DPP10: variants seen among roughly 807,000 people sequenced by gnomAD.
DPP10 encodes dipeptidyl peptidase like 10, also known as inactive dipeptidyl peptidase 10.
In DPP10, 33 loss-of-function variants were observed where a neutral mutation model predicts 120.9. That is an observed-to-expected ratio of 0.27 (90% CI 0.21 to 0.37). The LOEUF is 0.37. Among genes scored for constraint, DPP10 ranks in the 10% least tolerant of loss-of-function variants. The probability of loss-of-function intolerance (pLI) is 1.00; values close to 1 mark genes in which losing one functional copy is unlikely to be tolerated. For missense variants in DPP10, 816 were observed against 942.8 expected, an observed-to-expected ratio of 0.87 and a Z score of 1.76; for synonymous variants, 337 against 326.1, an observed-to-expected ratio of 1.03 and a Z score of -0.36.
At chr2:115,423,937 A>G (rs899101423) in intron 3 of DPP10, among the ~76,000 whole-genome samples, 2 of 152,138 alleles carry the variant, frequency 1.3e-5, no homozygotes, top group African/African-American at 4.8e-5. Flanking sequence ...ATTCATGGTT[A>G]TGCCAAACTC....
intron 11 of DPP10, among the ~76,000 whole-genome samples, chr2:115,761,174 A>C (rs1575704344): frequency 6.6e-6 from 1 of 151,678 alleles, no homozygotes; most frequent in East Asian, 1.9e-4. Context: ...TGGGAGGCCA[A>C]GTGGGGAGAA....
chr2:114,834,654 GTATATATATAGGCCATA>G lies in DPP10; in HGVS notation c.60+391818_60+391834del, dbSNP rs1687506420. ...ATATAAGCCATATCTACACACCTATGTATATATATAGGCCATATCTACACACCTATGTATATATAAGA... is the reference window on the plus strand; with the variant it reads ...ATATAAGCCATATCTACACACCTATGTCTACACACCTATGTATATATAAGA... On this transcript the variant is annotated intron_variant, in intron 1 of 25. Coordinates refer to ENST00000410059, the MANE Select transcript of DPP10 (RefSeq NM_020868.6). Among the ~76,000 whole-genome samples, 2 of 114,288 alleles carry G rather than the reference GTATATATATAGGCCATA, an allele frequency of 1.7e-5. 1 individual carries two copies. Among genetic ancestry groups the G allele is most frequent in the African/African-American group, 7.9e-5 (2 of 25,298 alleles). The allele number at this position is 114,288 out of a possible 152,430, so 75.0% of individuals were successfully genotyped here. A position where few individuals can be genotyped will look rare whatever the true frequency, so the allele number is the denominator to read the frequency against.
At chr2:115,104,804 G>A (rs1485193754) in intron 1 of DPP10, among the ~76,000 whole-genome samples, 1 of 152,124 alleles carries the variant, frequency 6.6e-6, no homozygotes, top group Non-Finnish European at 1.5e-5. Flanking sequence ...TCAAGAGATT[G>A]AGACCATCCT....
intron 1 of DPP10, among the ~76,000 whole-genome samples, chr2:114,932,663 A>G (rs1329793407): frequency 6.6e-6 from 1 of 152,180 alleles, no homozygotes; most frequent in Non-Finnish European, 1.5e-5. Flanking sequence ...GGGTGGCTGT[A>G]TTGACTGGGA....
intron 1 of DPP10, among the ~76,000 whole-genome samples, chr2:115,198,526 T>C (rs2055453264): frequency 6.6e-6 from 1 of 152,230 alleles, no homozygotes; most frequent in Admixed American, 6.5e-5. Context: ...GCCTTTGCTG[T>C]TTCACTGGTC....
At chr2:114,596,008 G>GT (rs1465328824) in intron 1 of DPP10, among the ~76,000 whole-genome samples, 2 of 152,048 alleles carry the variant, frequency 1.3e-5, no homozygotes, top group African/African-American at 4.8e-5. Context: ...AAGCTCCTCG[G>GT]TATTTTGATG....
At chr2:115,306,266 A>G (rs2061355694) in intron 1 of DPP10, among the ~76,000 whole-genome samples, 1 of 152,040 alleles carries the variant, frequency 6.6e-6, no homozygotes, top group South Asian at 2.1e-4. Flanking sequence ...GAGAAGAGAC[A>G]TTTGAGCAGG....
At chr2:115,710,206 C>T (rs1038753247) in intron 7 of DPP10, among the ~76,000 whole-genome samples, 4 of 151,988 alleles carry the variant, frequency 2.6e-5, no homozygotes, top group Admixed American at 6.6e-5. Context: ...TAGGGGAACT[C>T]GGATCTTCAG....
At chr2:115,463,082 G>A (rs2074093105) in intron 3 of DPP10, among the ~76,000 whole-genome samples, 1 of 152,132 alleles carries the variant, frequency 6.6e-6, no homozygotes, top group African/African-American at 2.4e-5. Context: ...TACACAAAAA[G>A]GGTCATCTAG....
chr2:115,719,281 C>T (rs992682747), intron 7 of DPP10, among the ~76,000 whole-genome samples: 2 of 152,134 alleles, frequency 1.3e-5, no homozygotes, highest in African/African-American at 4.8e-5. Context: ...GGACATATTT[C>T]ATTTCTTTGA....
intron 7 of DPP10, among the ~76,000 whole-genome samples, chr2:115,712,203 G>A (rs1457318936): frequency 6.6e-6 from 1 of 150,940 alleles, no homozygotes; most frequent in Non-Finnish European, 1.5e-5. Flanking sequence ...CCCATCTGGG[G>A]TAATGGGAGA....
At chr2:115,606,360 C>G (rs2083706723) in intron 5 of DPP10, among the ~76,000 whole-genome samples, 1 of 152,030 alleles carries the variant, frequency 6.6e-6, no homozygotes, top group Non-Finnish European at 1.5e-5. Flanking sequence ...AACTAAAAGT[C>G]TAGAAGCTAA....
chr2:115,458,460 T>A (rs2073755654), intron 3 of DPP10, among the ~76,000 whole-genome samples: 1 of 152,062 alleles, frequency 6.6e-6, no homozygotes, highest in African/African-American at 2.4e-5. Context: ...AAAAGACATG[T>A]AGAAAGTTTC....
intron 1 of DPP10, among the ~76,000 whole-genome samples, chr2:114,578,986 A>T (rs1690277384): frequency 6.6e-6 from 1 of 152,154 alleles, no homozygotes; most frequent in Non-Finnish European, 1.5e-5. Flanking sequence ...ACCTTTCGTC[A>T]TACTCTCTTT....
intron 1 of DPP10, among the ~76,000 whole-genome samples, chr2:115,176,066 A>T (rs2053666226): frequency 6.6e-6 from 1 of 152,078 alleles, no homozygotes; most frequent in African/African-American, 2.4e-5. Context: ...GGATTCTCTA[A>T]TCCTAATTTA....
At position 115,459,938 on chromosome 2, in the gene DPP10, T is replaced by TATATATATATATACACAC. The variant is rs66927327; in HGVS notation, c.272-39571_272-39570insTATATATATATACACACA. ...AAAACATATATTTTATATATATATA[T>TATATATATATATACACAC]ACACACACACACCTTTGTTTGCATT... On this transcript the variant is annotated intron_variant, in intron 3 of 25. Coordinates refer to ENST00000410059, the MANE Select transcript of DPP10 (RefSeq NM_020868.6). Among the ~76,000 whole-genome samples, 1,177 of 128,420 alleles carry TATATATATATATACACAC rather than the reference T, an allele frequency of 9.2e-3. 26 individuals carry two copies. Among genetic ancestry groups the TATATATATATATACACAC allele is most frequent in the African/African-American group, 0.028 (1,031 of 36,480 alleles). The allele number at this position is 128,420 out of a possible 152,430, so 84.2% of individuals were successfully genotyped here.
chr2:115,733,038 T>G (rs78670132), intron 8 of DPP10, among the ~76,000 whole-genome samples: 1 of 152,114 alleles, frequency 6.6e-6, no homozygotes, highest in African/African-American at 2.4e-5. Context: ...AGAACTAAGT[T>G]TGATAGGATG....
At chr2:115,127,025 T>C (rs1284491236) in intron 1 of DPP10, among the ~76,000 whole-genome samples, 2 of 152,198 alleles carry the variant, frequency 1.3e-5, no homozygotes, top group Admixed American at 6.5e-5. Flanking sequence ...AATGTAAATA[T>C]TGTACCAGGT....
At chr2:114,868,977 T>C (rs1690459408) in intron 1 of DPP10, among the ~76,000 whole-genome samples, 1 of 151,962 alleles carries the variant, frequency 6.6e-6, no homozygotes, top group African/African-American at 2.4e-5. Flanking sequence ...GGCAGGAGGG[T>C]TAAAAAAGGC....
Sources: allele counts gnomAD v4.1 joint callset (sites outside exome capture counted in the v4.1 genomes callset), GRCh38; gene constraint gnomAD v4.1.1; transcripts MANE v1.5; gene names NCBI Gene and HGNC (gene_info 2026-07-23, HGNC 2026-07-21).